The following EPHB1 variants were observed in gnomAD, a reference collection of about 807,000 sequenced individuals.
EPHB1 encodes EPH receptor B1.
Under a neutral mutation model 94.4 loss-of-function variants are expected in EPHB1, and 30 were observed. That is an observed-to-expected ratio of 0.32 (90% CI 0.24 to 0.43). EPHB1 has a LOEUF of 0.43. Among genes scored for constraint, EPHB1 ranks in the 20% least tolerant of loss-of-function variants. The pLI is 1.00. For synonymous variants in EPHB1, 522 were observed against 489.1 expected, an observed-to-expected ratio of 1.07 and a Z score of -0.89; for missense variants, 1,055 against 1,308.3, an observed-to-expected ratio of 0.81 and a Z score of 2.99.
chr3:134,879,133 C>G (rs2108310685), intron 1 of EPHB1, among the ~76,000 whole-genome samples: 1 of 152,300 alleles, frequency 6.6e-6, no homozygotes, highest in Admixed American at 6.5e-5. Flanking sequence ...AACCCTCCTC[C>G]CCTTTTGCAG....
At chr3:134,921,479 G>C (rs2038685521) in intron 1 of EPHB1, among the ~76,000 whole-genome samples, 1 of 152,164 alleles carries the variant, frequency 6.6e-6, no homozygotes, top group East Asian at 1.9e-4. Context: ...AGAATAGGGT[G>C]CCAGTTATGA....
chr3:134,969,102 G>T lies in EPHB1; in HGVS notation c.805+17050G>T, dbSNP rs199500295. Among the ~76,000 whole-genome samples, 6 of 152,190 alleles carry T rather than the reference G, an allele frequency of 3.9e-5. No individual in the cohort carries two copies. The East Asian group carries it at 1.2e-3, about 29-fold the overall frequency. On this transcript the variant is annotated intron_variant, in intron 3 of 15. Transcript: ENST00000398015. ...TAACTGCTAGATCAGTTTTCAGGGT[G>T]CCTGTACCATTTTCCATTACCATCA... is the stretch of plus-strand genomic sequence containing the variant.
intron 3 of EPHB1, among the ~76,000 whole-genome samples, chr3:135,010,809 A>C (rs1358284985): frequency 6.6e-6 from 1 of 151,654 alleles, no homozygotes; most frequent in Non-Finnish European, 1.5e-5. Flanking sequence ...TGATCCACCT[A>C]CCTCGGCCTC....
intron 2 of EPHB1, among the ~76,000 whole-genome samples, chr3:134,929,814 C>T (rs2038870377): frequency 6.6e-6 from 1 of 152,176 alleles, no homozygotes; most frequent in African/African-American, 2.4e-5. Context: ...GGAGGATGAA[C>T]TTCATGGCAC....
rs988707820 is a variant in EPHB1 at position 134,795,274 on chromosome 3, C to G, written c.-358C>G. The stretch of plus-strand genomic sequence containing the variant: ...CCTCCCGCGTCAGTCTGGCCGGCTC[C>G]GTCCTCCCGTAGGCTCCGCTGTAGC... On this transcript the variant is annotated 5_prime_UTR_variant, in exon 1 of 16. Transcript: ENST00000398015. 59 of 388,100 alleles carry G rather than the reference C, an allele frequency of 1.5e-4. No homozygotes were observed. Among genetic ancestry groups the G allele is most frequent in the Non-Finnish European group, 2.6e-4 (56 of 216,030 alleles). The allele number at this position is 388,100 out of a possible 1,614,324, so 24.0% of individuals were successfully genotyped here.
chr3:135,249,413 T>A lies in EPHB1; in HGVS notation c.2768T>A (p.Ile923Asn), dbSNP rs780511479. The A allele has an allele frequency of 2.5e-6, 4 of 1,614,026 alleles. 1 individual carries two copies. In the South Asian group the frequency reaches 4.4e-5, roughly 18 times the overall value. ...FTTVDDWLSA[I>N]KMVQYRDSFL... ...ACCGTGGATGACTGGCTCAGCGCCA[T>A]CAAAATGGTCCAGTACAGGGACAGC... The change falls in exon 15 of 16, where the codon ATC (isoleucine) becomes AAC (asparagine). Residue 923 changes from isoleucine (I) to asparagine (N), a missense_variant. Coordinates refer to ENST00000398015, the MANE Select transcript of EPHB1 (RefSeq NM_004441.5).
At chr3:134,870,956 G>T (rs1277679247) in intron 1 of EPHB1, among the ~76,000 whole-genome samples, 1 of 152,156 alleles carries the variant, frequency 6.6e-6, no homozygotes, top group Non-Finnish European at 1.5e-5. Flanking sequence ...GCCCCTGCTT[G>T]GTCCCTTATA....
intron 12 of EPHB1, among the ~76,000 whole-genome samples, chr3:135,207,548 C>A (rs1942930171): frequency 6.6e-6 from 1 of 152,106 alleles, no homozygotes; most frequent in South Asian, 2.1e-4. Flanking sequence ...TGCATAATTA[C>A]CAGCTGAAAT....
chr3:135,118,956 A>G (rs780930555), intron 4 of EPHB1, among the ~76,000 whole-genome samples: 8 of 152,198 alleles, frequency 5.3e-5, no homozygotes, highest in Non-Finnish European at 8.8e-5. Context: ...GAACCAATCA[A>G]TATTACAAAG....
rs910112537 is a variant in EPHB1 at position 135,073,771 on chromosome 3, C to CT, written c.806-32668dup. ...TTTTAATCTATAGTTTTCCCCCTTTCTTTTTTTTTCTTGAAATCTGTTTGT... is the reference window on the plus strand; with the variant it reads ...TTTTAATCTATAGTTTTCCCCCTTTCTTTTTTTTTTCTTGAAATCTGTTTGT... On this transcript the variant is annotated intron_variant, in intron 3 of 15. Coordinates refer to ENST00000398015, the MANE Select transcript of EPHB1 (RefSeq NM_004441.5). 5.3e-5 allele frequency among the ~76,000 whole-genome samples: 8 copies of CT among 150,900 alleles called. 1 individual carries two copies. Among genetic ancestry groups the CT allele is most frequent in the South Asian group, 4.2e-4 (2 of 4,788 alleles).
intron 4 of EPHB1, among the ~76,000 whole-genome samples, chr3:135,115,941 C>T (rs1005071439): frequency 2.0e-5 from 3 of 152,152 alleles, no homozygotes; most frequent in South Asian, 2.1e-4. Context: ...CATGGCCAGG[C>T]GCAGTGGCTC....
At chr3:134,828,696 G>A (rs1023882203) in intron 1 of EPHB1, among the ~76,000 whole-genome samples, 2 of 152,172 alleles carry the variant, frequency 1.3e-5, no homozygotes, top group Non-Finnish European at 2.9e-5. Flanking sequence ...GGCCCTTTGA[G>A]GGACACTTGG....
intron 3 of EPHB1, among the ~76,000 whole-genome samples, chr3:135,092,798 T>C (rs1028788015): frequency 1.3e-5 from 2 of 152,192 alleles, no homozygotes; most frequent in African/African-American, 4.8e-5. Context: ...ACTAATTTTT[T>C]GTATTTTTAG....
At chr3:135,172,496 G>C (rs747556413) in intron 9 of EPHB1, among the ~76,000 whole-genome samples, 7 of 152,176 alleles carry the variant, frequency 4.6e-5, no homozygotes, top group Non-Finnish European at 1.0e-4. Flanking sequence ...CAGGATATTG[G>C]ACAAAATTAC....
intron 4 of EPHB1, 46 bp from the exon 5 acceptor site, chr3:135,132,668 G>A (rs1481881559): frequency 7.3e-6 from 11 of 1,497,214 alleles, no homozygotes; most frequent in Non-Finnish European, 9.9e-6. Context: ...TGCCGGACAA[G>A]GAAGCTTATG....
At chr3:135,080,843 G>T (rs564523756) in intron 3 of EPHB1, among the ~76,000 whole-genome samples, 8 of 152,256 alleles carry the variant, frequency 5.3e-5, no homozygotes, top group African/African-American at 1.9e-4. Context: ...AGCCCTTAGC[G>T]CAGTGCCCAC....
intron 2 of EPHB1, among the ~76,000 whole-genome samples, chr3:134,944,854 T>G (rs1337573438): frequency 6.6e-6 from 1 of 152,236 alleles, no homozygotes; most frequent in Admixed American, 6.5e-5. Context: ...AAAATTTCCA[T>G]AGAAGTTGTA....
intron 9 of EPHB1, among the ~76,000 whole-genome samples, chr3:135,175,969 C>T (rs1465299072): frequency 6.6e-6 from 1 of 152,184 alleles, no homozygotes; most frequent in East Asian, 1.9e-4. Context: ...CAGGAACATG[C>T]TGATGTAGGA....
intron 10 of EPHB1, among the ~76,000 whole-genome samples, chr3:135,187,691 C>T (rs202124423): frequency 2.0e-5 from 3 of 152,124 alleles, no homozygotes; most frequent in East Asian, 1.9e-4. Context: ...GAAACCCAGA[C>T]TTTAGCATCC....
Sources: gnomAD v4.1 joint callset for allele counts (sites outside exome capture counted in the v4.1 genomes callset) on GRCh38, gnomAD v4.1.1 for gene constraint, MANE v1.5 for transcripts, NCBI Gene and HGNC (gene_info 2026-07-23, HGNC 2026-07-21) for gene names.